Variants in STARD8 observed in about 807,000 individuals in gnomAD.
The protein encoded by STARD8 is StAR related lipid transfer domain containing 8.
Under a neutral mutation model 69.4 loss-of-function variants are expected in STARD8, and 25 were observed. The observed-to-expected ratio is 0.36, with a 90% confidence interval of 0.26 to 0.50. STARD8 has a LOEUF of 0.50. STARD8 is among the 20% of genes least tolerant of loss of function. The probability of loss-of-function intolerance (pLI) is 0.96; values close to 1 mark genes in which losing one functional copy is unlikely to be tolerated. For synonymous variants in STARD8, 389 were observed against 374.6 expected (o/e 1.04, Z -0.45); for missense variants, 921 against 932.5 (o/e 0.99, Z 0.16).
rs753563493 is a variant in STARD8, at chrX:68,722,507, G to A, written c.2660G>A (p.Arg887His). The A allele has an allele frequency of 8.4e-5, 102 of 1,210,124 alleles. No individual in the cohort carries two copies. The highest frequency in any genetic ancestry group is 1.5e-4 in the East Asian group (5 of 33,720). ...CCCGGCCCAGCCCTGGCTGAGCTGC[G>A]TCAGGCCCAAGCTGCAGGGGTAAGC... The part of the protein sequence containing the change: ...SPPGPALAEL[R>H]QAQAAGVSLS... The change falls in exon 12 of 15, where the codon CGT (arginine) becomes CAT (histidine). Residue 887 changes from arginine (R) to histidine (H), a missense_variant. Arg to His is a conservative substitution (Grantham distance 29). Coordinates refer to ENST00000374599, the MANE Select transcript of STARD8 (RefSeq NM_001142503.3).
chrX:68,679,165 C>A (rs1364846250), intron 2 of STARD8, among the ~76,000 whole-genome samples: 1 of 112,348 alleles, frequency 8.9e-6, no homozygotes, highest in Non-Finnish European at 1.9e-5. Context: ...ATATCTGGTT[C>A]ATTGGCTTTT....
In STARD8 at chrX:68,697,353, G is replaced by A. The variant is rs997652042; in HGVS notation, c.80-15561G>A. On this transcript the variant is annotated intron_variant, in intron 2 of 14. Transcript: ENST00000374599. Reference sequence around the variant, plus strand: ...ATTTGAGCTGAACCTTGGAAGAGAGGCCCAGGAAAGGTCCCAGCCCAGATG... The same window carrying A: ...ATTTGAGCTGAACCTTGGAAGAGAGACCCAGGAAAGGTCCCAGCCCAGATG... 1.6e-4 allele frequency among the ~76,000 whole-genome samples: 18 copies of A among 111,947 alleles called. No homozygotes were observed. The Admixed American group carries it at 1.7e-3, about 11-fold the overall frequency.
chrX:68,670,822 A>G (rs1696796487), intron 2 of STARD8, among the ~76,000 whole-genome samples: 1 of 111,825 alleles, frequency 8.9e-6, no homozygotes, highest in South Asian at 3.8e-4. Context: ...CAGCCACTCC[A>G]GCAAGAGTCA....
intron 2 of STARD8, among the ~76,000 whole-genome samples, chrX:68,684,483 C>T (rs1385851627): frequency 8.8e-6 from 1 of 113,001 alleles, no homozygotes; most frequent in African/African-American, 3.2e-5. Flanking sequence ...GTCCCACACT[C>T]CCGCCCAACC....
At chrX:68,656,766 C>A (rs754490095) in intron 1 of STARD8, among the ~76,000 whole-genome samples, 19 of 111,089 alleles carry the variant, frequency 1.7e-4, no homozygotes, top group African/African-American at 6.2e-4. Context: ...GGACAAAAAA[C>A]CAAACACCGC....
At position 68,665,424 on chromosome X, in the gene STARD8, C is replaced by T. The variant is rs932495456; in HGVS notation, c.46-75C>T. 3 of 1,098,485 alleles carry T rather than the reference C, an allele frequency of 2.7e-6. No homozygotes were observed. In the African/African-American group the frequency reaches 5.5e-5, roughly 20 times the overall value. 90.5% of individuals were successfully genotyped at this position (1,098,485 alleles called of 1,213,427 possible). A position where few individuals can be genotyped will look rare whatever the true frequency, so the allele number is the denominator to read the frequency against. The stretch of plus-strand genomic sequence containing the variant: ...ATGGGTAATGGGTAGATCGAACTTG[C>T]TAACTTTAAGATCGCTTTCAGTTCA... On this transcript the variant is annotated intron_variant, in intron 1 of 14. Coordinates refer to ENST00000374599, the MANE Select transcript of STARD8 (RefSeq NM_001142503.3).
chrX:68,648,209 C>T (rs908401082), intron 1 of STARD8, among the ~76,000 whole-genome samples: 7 of 112,106 alleles, frequency 6.2e-5, no homozygotes, highest in Non-Finnish European at 9.4e-5. Flanking sequence ...GATACTTAAC[C>T]TCTCTGAACC....
In STARD8 at chrX:68,696,688, C is replaced by T. The variant is rs535310130; in HGVS notation, c.80-16226C>T. 7.2e-5 allele frequency among the ~76,000 whole-genome samples: 8 copies of T among 111,474 alleles called. 1 individual carries two copies. In the South Asian group the frequency reaches 3.0e-3, roughly 42 times the overall value. ...TCTGGGTTTCTCCTCATTTTTTCCA[C>T]TTCACTGGATTAAACTAGGGGATCC... On this transcript the variant is annotated intron_variant, in intron 2 of 14. Transcript: ENST00000374599.
intron 2 of STARD8, among the ~76,000 whole-genome samples, chrX:68,668,073 C>CTTT (rs1055727756): frequency 5.7e-5 from 5 of 87,566 alleles, no homozygotes; most frequent in East Asian, 3.6e-4. Context: ...TTCTTTCTTT[C>CTTT]TTTCTTTCTT....
chrX:68,657,295 T>C (rs180745680), intron 1 of STARD8, among the ~76,000 whole-genome samples: 1 of 111,798 alleles, frequency 8.9e-6, no homozygotes, highest in South Asian at 3.8e-4. Context: ...TGTGTGTGTG[T>C]GGGGGAGTTT....
chrX:68,685,560 G>T (rs774860502), intron 2 of STARD8, among the ~76,000 whole-genome samples: 1 of 112,444 alleles, frequency 8.9e-6, no homozygotes, highest in Non-Finnish European at 1.9e-5. Context: ...TACACGCCAG[G>T]GGCTAAACTC....
chrX:68,677,095 G>A (rs967161871), intron 2 of STARD8, among the ~76,000 whole-genome samples: 12 of 111,008 alleles, frequency 1.1e-4, no homozygotes, highest in East Asian at 2.8e-4. Context: ...GCAGTGGGCC[G>A]TGATCGTGGC....
chrX:68,687,692 T>C lies in STARD8; in HGVS notation c.79+22160T>C, dbSNP rs779782488. On this transcript the variant is annotated intron_variant, in intron 2 of 14. Coordinates refer to ENST00000374599, the MANE Select transcript of STARD8 (RefSeq NM_001142503.3). Reference sequence around the variant, plus strand: ...GCCAGGTCACACAGTTCCTCCGTGGTAGAAACAAAGTAGAAGCCAGAGTGA... The same window carrying C: ...GCCAGGTCACACAGTTCCTCCGTGGCAGAAACAAAGTAGAAGCCAGAGTGA... Among the ~76,000 whole-genome samples the C allele has an allele frequency of 2.7e-5, 3 of 112,097 alleles. No individual in the cohort carries two copies. The Admixed American group carries it at 2.8e-4, about 10-fold the overall frequency.
At chrX:68,686,317 C>T (rs2079831758) in intron 2 of STARD8, among the ~76,000 whole-genome samples, 1 of 112,420 alleles carries the variant, frequency 8.9e-6, no homozygotes, top group Admixed American at 9.3e-5. Flanking sequence ...CAGCCCCTCC[C>T]TCCCCGGGCT....
chrX:68,682,597 C>T (rs760125782), intron 2 of STARD8, among the ~76,000 whole-genome samples: 1 of 112,631 alleles, frequency 8.9e-6, no homozygotes, highest in Admixed American at 9.3e-5. Flanking sequence ...CTCTTCATGT[C>T]TTCATTTCCT....
At chrX:68,675,117 C>T (rs1462692078) in intron 2 of STARD8, among the ~76,000 whole-genome samples, 3 of 110,675 alleles carry the variant, frequency 2.7e-5, no homozygotes, top group Admixed American at 1.9e-4. Context: ...ACCACCATGC[C>T]TGGCTAATTT....
In STARD8 at chrX:68,719,344, G is replaced by A. The variant is rs201207761; in HGVS notation, c.1835G>A (p.Arg612Gln). The A allele has an allele frequency of 3.2e-5, 38 of 1,203,744 alleles. No individual in the cohort carries two copies. Among genetic ancestry groups the A allele is most frequent in the African/African-American group, 7.0e-5 (4 of 57,235 alleles). The change falls in exon 7 of 15, where the codon CGG becomes CAG. Residue 612 changes from arginine to glutamine, a missense_variant. Transcript: ENST00000374599. ...CTCCTGCACAAGGGCTCACTGCTGC[G>A]GCTTACCGCGTTCATGGAGAAGTAC... Reference protein sequence around the residue: ...INLLHKGSLLRLTAFMEKYTV... With the variant: ...INLLHKGSLLQLTAFMEKYTV...
intron 2 of STARD8, among the ~76,000 whole-genome samples, chrX:68,679,110 CA>C (rs1159780256): frequency 8.9e-6 from 1 of 112,403 alleles, no homozygotes; most frequent in Non-Finnish European, 1.9e-5. Context: ...TTATGTCATG[CA>C]ATCATCACTC....
intron 2 of STARD8, among the ~76,000 whole-genome samples, chrX:68,706,505 C>A (rs1051190927): frequency 9.8e-5 from 11 of 112,004 alleles, no homozygotes. Context: ...GCTCTTAGTA[C>A]AGGTCCTCAT....
Sources: allele counts gnomAD v4.1 joint callset (sites outside exome capture counted in the v4.1 genomes callset), GRCh38; gene constraint gnomAD v4.1.1; transcripts MANE v1.5; gene names NCBI Gene and HGNC (gene_info 2026-07-23, HGNC 2026-07-21).